CDH7: variants seen among roughly 807,000 people sequenced by gnomAD.
CDH7 encodes the protein cadherin 7, also known as cadherin-7.
CDH7 carries 25 observed loss-of-function variants against 71.8 expected under a neutral mutation model. The ratio of observed to expected loss-of-function variants is 0.35; its 90% CI spans 0.25 to 0.49. The LOEUF is 0.49. CDH7 is among the 20% of genes least tolerant of loss of function. The pLI is 0.99. For synonymous variants in CDH7, 381 were observed against 363.8 expected (o/e 1.05, Z -0.54); for missense variants, 862 against 974.6 (o/e 0.88, Z 1.54).
chr18:65,889,857 A>T lies in CDH7; in HGVS notation c.*8963A>T, dbSNP rs778083448. On this transcript the variant is annotated 3_prime_UTR_variant, in exon 12 of 12. Coordinates refer to ENST00000397968, the MANE Select transcript of CDH7 (RefSeq NM_004361.5). ...CTGCAAGAACATAAGGGACAAGGAT[A>T]AAATACGGAGTTTAACGTGCTTATA... 6.6e-6 allele frequency: 1 copy of T among 152,230 alleles called. No homozygotes were observed. Among genetic ancestry groups the T allele is most frequent in the Non-Finnish European group, 1.5e-5 (1 of 68,036 alleles). 9.4% of individuals were successfully genotyped at this position (152,230 alleles called of 1,614,324 possible). A position where few individuals can be genotyped will look rare whatever the true frequency, so the allele number is the denominator to read the frequency against.
chr18:65,793,966 G>A (rs139159778), intron 2 of CDH7, among the ~76,000 whole-genome samples: 31 of 152,220 alleles, frequency 2.0e-4, no homozygotes, highest in African/African-American at 6.3e-4. Context: ...AGCTGTGGGT[G>A]TTATATTGTT....
intron 6 of CDH7, among the ~76,000 whole-genome samples, chr18:65,840,756 T>C (rs545758785): frequency 6.6e-6 from 1 of 152,150 alleles, no homozygotes; most frequent in Non-Finnish European, 1.5e-5. Context: ...CTCTTTCTTT[T>C]GTAAATTGCC....
In CDH7 at chr18:65,874,031, T is replaced by C. The variant is rs1914000840; in HGVS notation, c.1865-6370T>C. On this transcript the variant is annotated intron_variant, in intron 11 of 11. Transcript: ENST00000397968. ...TATTAATCCATTTATCAAATATTTA[T>C]TGAGCACATACTTACTATCATGTAT... is the stretch of plus-strand genomic sequence containing the variant. Among the ~76,000 whole-genome samples, 3 of 152,236 alleles carry C rather than the reference T, an allele frequency of 2.0e-5. No individual in the cohort carries two copies. The South Asian group carries it at 6.2e-4, about 31-fold the overall frequency.
intron 2 of CDH7, among the ~76,000 whole-genome samples, chr18:65,802,270 C>G (rs773345769): frequency 2.6e-4 from 40 of 152,030 alleles, no homozygotes; most frequent in Non-Finnish European, 3.8e-4. Context: ...TCACTGGATG[C>G]TAGTTTTGTA....
intron 7 of CDH7, among the ~76,000 whole-genome samples, chr18:65,853,671 T>C (rs1185642983): frequency 1.3e-5 from 2 of 151,806 alleles, no homozygotes; most frequent in Non-Finnish European, 2.9e-5. Context: ...ATCCTTGTCT[T>C]TGACAAAGTG....
intron 6 of CDH7, among the ~76,000 whole-genome samples, chr18:65,841,451 C>A (rs143468830): frequency 6.6e-6 from 1 of 152,176 alleles, no homozygotes; most frequent in East Asian, 1.9e-4. Flanking sequence ...TTGAAAGGAG[C>A]TGACAAATCG....
intron 1 of CDH7, among the ~76,000 whole-genome samples, chr18:65,760,686 C>T (rs1040339936): frequency 1.2e-4 from 19 of 152,136 alleles, no homozygotes; most frequent in Admixed American, 8.5e-4. Flanking sequence ...ATCTCTAAAC[C>T]ATCCCTCCCC....
intron 1 of CDH7, among the ~76,000 whole-genome samples, chr18:65,755,855 T>C (rs1043342300): frequency 3.3e-5 from 5 of 152,034 alleles, no homozygotes; most frequent in Non-Finnish European, 5.9e-5. Flanking sequence ...CAAATGAAAG[T>C]CTTCAGAGAA....
chr18:65,851,423 A>G (rs1353556130), intron 7 of CDH7, among the ~76,000 whole-genome samples: 1 of 152,206 alleles, frequency 6.6e-6, no homozygotes, highest in Non-Finnish European at 1.5e-5. Flanking sequence ...ATTTGTGTTA[A>G]TCTAGCTCAC....
chr18:65,822,660 G>T (rs1054435269), intron 5 of CDH7, among the ~76,000 whole-genome samples: 3 of 151,458 alleles, frequency 2.0e-5, no homozygotes, highest in East Asian at 3.9e-4. Context: ...ATTTATTTTT[G>T]AAAATTAAAA....
At chr18:65,825,352 A>G (rs1389422121) in intron 6 of CDH7, among the ~76,000 whole-genome samples, 2 of 151,900 alleles carry the variant, frequency 1.3e-5, no homozygotes, top group Non-Finnish European at 2.9e-5. Context: ...AAGTTGTAAA[A>G]CCTATCATAC....
intron 2 of CDH7, among the ~76,000 whole-genome samples, chr18:65,785,155 G>C (rs1467780600): frequency 6.6e-6 from 1 of 151,928 alleles, no homozygotes; most frequent in Non-Finnish European, 1.5e-5. Context: ...CCAGTATGTT[G>C]TATCTGACAA....
rs1599056215 is a variant in CDH7, at chr18:65,858,052, C to G, written c.1372+100C>G. On this transcript the variant is annotated intron_variant, in intron 8 of 11. Coordinates refer to ENST00000397968, the MANE Select transcript of CDH7 (RefSeq NM_004361.5). ...TTCAAGTTAATTAAAGTAGTTCCTT[C>G]TTTGAATTGTACAAAAACTTGAGAA... 8.8e-6 allele frequency: 10 copies of G among 1,140,214 alleles called. No homozygotes were observed. The East Asian group carries it at 2.6e-4, about 30-fold the overall frequency. 70.6% of individuals were successfully genotyped at this position (1,140,214 alleles called of 1,614,324 possible). A position where few individuals can be genotyped will look rare whatever the true frequency, so the allele number is the denominator to read the frequency against.
At chr18:65,844,599 T>A (rs1237222355) in intron 7 of CDH7, among the ~76,000 whole-genome samples, 1 of 152,104 alleles carries the variant, frequency 6.6e-6, no homozygotes, top group Non-Finnish European at 1.5e-5. Flanking sequence ...TAGTCTTGTA[T>A]CTAGGCTAGA....
chr18:65,845,983 C>A lies in CDH7; in HGVS notation c.1235+1918C>A, dbSNP rs1912921707. ...AAATGAAAGGATTTAAGAATATTTT[C>A]ATTGATTGCATTGATATTTTTATCC... is the stretch of plus-strand genomic sequence containing the variant. On this transcript the variant is annotated intron_variant, in intron 7 of 11. Coordinates refer to ENST00000397968, the MANE Select transcript of CDH7 (RefSeq NM_004361.5). 2.6e-5 allele frequency among the ~76,000 whole-genome samples: 4 copies of A among 152,152 alleles called. No individual in the cohort carries two copies. In the South Asian group the frequency reaches 8.3e-4, roughly 32 times the overall value.
chr18:65,762,293 G>T (rs1241150963), intron 1 of CDH7, among the ~76,000 whole-genome samples: 3 of 151,442 alleles, frequency 2.0e-5, no homozygotes, highest in Non-Finnish European at 2.9e-5. Flanking sequence ...TAATATAAAA[G>T]AAAAAAAATA....
intron 2 of CDH7, among the ~76,000 whole-genome samples, chr18:65,793,987 G>A (rs1423727814): frequency 6.6e-6 from 1 of 152,094 alleles, no homozygotes; most frequent in Non-Finnish European, 1.5e-5. Flanking sequence ...GCTTTGCAAA[G>A]CCTGGTGCAT....
Position 65,880,887 on chromosome 18 carries a change from A to C in CDH7, c.2351A>C (p.Tyr784Ser). ...TATGGGACTGGCCAAGAGAGTTTGT[A>C]CTCATAGCCTTGGAACCTTAATTCG... Reference protein sequence around the residue: ...DMYGTGQESLYS With the variant: ...DMYGTGQESLSS The change falls in exon 12 of 12, where the codon TAC (tyrosine) becomes TCC (serine). Residue 784 changes from tyrosine to serine, a missense_variant. Tyr to Ser is a moderately radical substitution (Grantham distance 144). Coordinates refer to ENST00000397968, the MANE Select transcript of CDH7 (RefSeq NM_004361.5). The C allele has an allele frequency of 6.3e-7, 1 of 1,595,358 alleles. No homozygotes were observed. Among genetic ancestry groups the C allele is most frequent in the Non-Finnish European group, 8.5e-7 (1 of 1,171,872 alleles).
chr18:65,755,522 A>G (rs1470688365), intron 1 of CDH7, among the ~76,000 whole-genome samples: 2 of 152,200 alleles, frequency 1.3e-5, no homozygotes, highest in African/African-American at 4.8e-5. Context: ...ATTGTCCTGA[A>G]TAGTGTGGCT....
Sources: allele counts gnomAD v4.1 joint callset (sites outside exome capture counted in the v4.1 genomes callset), GRCh38; gene constraint gnomAD v4.1.1; transcripts MANE v1.5; gene names NCBI Gene and HGNC (gene_info 2026-07-23, HGNC 2026-07-21).